Variants in NCKAP5 observed in about 807,000 individuals in gnomAD.
NCKAP5 encodes NCK associated protein 5.
In NCKAP5, 92 loss-of-function variants were observed where a neutral mutation model predicts 167.0. The ratio of observed to expected loss-of-function variants is 0.55; its 90% CI spans 0.47 to 0.66. The LOEUF is 0.66. Ranked by LOEUF, NCKAP5 falls within the 30% of genes least tolerant of loss-of-function variation. NCKAP5 has a pLI of 0.00. For missense variants in NCKAP5, 2,378 were observed against 2,315.0 expected, an observed-to-expected ratio of 1.03 and a Z score of -0.56; for synonymous variants, 891 against 877.4, an observed-to-expected ratio of 1.02 and a Z score of -0.27.
At chr2:133,432,328 GAAAT>G in intron 3 of NCKAP5, among the ~76,000 whole-genome samples, 1 of 152,168 alleles carries the variant, frequency 6.6e-6, no homozygotes, top group Non-Finnish European at 1.5e-5. Flanking sequence ...GAGAAAAGCA[GAAAT>G]GCTGATACCC....
intron 1 of NCKAP5, among the ~76,000 whole-genome samples, chr2:133,567,184 G>A (rs1355340316): frequency 6.6e-6 from 1 of 152,194 alleles, no homozygotes; most frequent in African/African-American, 2.4e-5. Context: ...TAGAGGGCAG[G>A]AATCAGCTGG....
intron 3 of NCKAP5, among the ~76,000 whole-genome samples, chr2:133,349,122 C>T (rs1684177205): frequency 6.6e-6 from 1 of 152,086 alleles, no homozygotes; most frequent in Non-Finnish European, 1.5e-5. Flanking sequence ...TCTCTGCCCA[C>T]AAAAAGAGGA....
chr2:132,792,034 GCT>G (rs1684113180), intron 12 of NCKAP5, among the ~76,000 whole-genome samples: 1 of 141,658 alleles, frequency 7.1e-6, no homozygotes, highest in African/African-American at 2.7e-5. Context: ...AACTTGAGAT[GCT>G]CTGTTTTGTT....
At chr2:133,010,944 A>G (rs2078137791) in intron 6 of NCKAP5, among the ~76,000 whole-genome samples, 1 of 152,220 alleles carries the variant, frequency 6.6e-6, no homozygotes, top group Non-Finnish European at 1.5e-5. Flanking sequence ...TTTTAAAAAA[A>G]TGTCTTTGAT....
At chr2:133,007,235 GT>G (rs1205040473) in intron 6 of NCKAP5, among the ~76,000 whole-genome samples, 1 of 152,202 alleles carries the variant, frequency 6.6e-6, no homozygotes, top group East Asian at 1.9e-4. Flanking sequence ...TCAGAGAGAT[GT>G]TATGAGGATG....
chr2:132,957,100 T>G (rs902592786), intron 8 of NCKAP5, among the ~76,000 whole-genome samples: 1 of 152,154 alleles, frequency 6.6e-6, no homozygotes, highest in African/African-American at 2.4e-5. Flanking sequence ...CTGAACTTTG[T>G]ATTTCCACCT....
chr2:133,360,774 C>A (rs1017998227), intron 3 of NCKAP5, among the ~76,000 whole-genome samples: 6 of 151,744 alleles, frequency 4.0e-5, no homozygotes, highest in Admixed American at 3.9e-4. Flanking sequence ...AATGAATGAT[C>A]ATTTAGGGAG....
intron 11 of NCKAP5, among the ~76,000 whole-genome samples, chr2:132,859,676 C>T (rs1689736360): frequency 6.6e-6 from 1 of 152,240 alleles, no homozygotes; most frequent in Non-Finnish European, 1.5e-5. Context: ...CCGCCCTTTG[C>T]ACATTGCACA....
intron 3 of NCKAP5, among the ~76,000 whole-genome samples, chr2:133,416,416 CT>C (rs753719008): frequency 6.6e-6 from 1 of 152,086 alleles, no homozygotes; most frequent in African/African-American, 2.4e-5. Context: ...TCTGGAACAA[CT>C]TTTTCACATT....
At chr2:133,539,512 C>A (rs568926386) in intron 2 of NCKAP5, among the ~76,000 whole-genome samples, 16 of 151,512 alleles carry the variant, frequency 1.1e-4, no homozygotes, top group African/African-American at 2.7e-4. Context: ...GAAATAAAAA[C>A]CAAAACATAA....
intron 8 of NCKAP5, among the ~76,000 whole-genome samples, chr2:132,949,276 G>A (rs1411068027): frequency 6.6e-6 from 1 of 152,070 alleles, no homozygotes; most frequent in East Asian, 1.9e-4. Flanking sequence ...GACTCTGGAG[G>A]GGCAGTCCCT....
chr2:132,876,109 A>G (rs7597457), intron 9 of NCKAP5, among the ~76,000 whole-genome samples: 52,559 of 151,848 alleles, frequency 0.35, 9,842 homozygotes, highest in East Asian at 0.55. Context: ...ATTTGAGATG[A>G]GGTTTCACTC....
chr2:133,565,014 T>C (rs1390237294), intron 1 of NCKAP5, among the ~76,000 whole-genome samples: 1 of 152,162 alleles, frequency 6.6e-6, no homozygotes, highest in Non-Finnish European at 1.5e-5. Flanking sequence ...CGGAGTTCCA[T>C]GGTGCACAGG....
At chr2:132,859,045 A>G (rs567342232) in intron 11 of NCKAP5, among the ~76,000 whole-genome samples, 220 of 152,328 alleles carry the variant, frequency 1.4e-3, no homozygotes, top group African/African-American at 5.1e-3. Flanking sequence ...AATTTTTTAT[A>G]AATGCAAGAT....
rs1035826784 is a variant in NCKAP5, at chr2:133,169,624, C to T, written c.208-39513G>A. Among the ~76,000 whole-genome samples the T allele has an allele frequency of 6.6e-5, 10 of 152,318 alleles. 1 individual carries two copies. The South Asian group carries it at 1.9e-3, about 28-fold the overall frequency. On this transcript the variant is annotated intron_variant, in intron 5 of 19. Transcript: ENST00000409261. Reference sequence around the variant, plus strand: ...AGGAGAGTTTATCAAGACTGCTGAGCCTGATGCTTTTACGTTAAAGTGGCT... The same window carrying T: ...AGGAGAGTTTATCAAGACTGCTGAGTCTGATGCTTTTACGTTAAAGTGGCT...
intron 5 of NCKAP5, among the ~76,000 whole-genome samples, chr2:133,180,959 GAAATA>G (rs1358436860): frequency 3.3e-5 from 5 of 151,446 alleles, no homozygotes; most frequent in Non-Finnish European, 7.4e-5. Context: ...AAATATATAA[GAAATA>G]AAATAAAAAT....
chr2:133,346,564 G>A (rs1043830079), intron 3 of NCKAP5, among the ~76,000 whole-genome samples: 12 of 152,216 alleles, frequency 7.9e-5, no homozygotes, highest in Non-Finnish European at 1.6e-4. Context: ...GTCCTAGGGT[G>A]ATGGTCTGAA....
At chr2:133,382,709 T>C (rs967906630) in intron 3 of NCKAP5, among the ~76,000 whole-genome samples, 1 of 152,212 alleles carries the variant, frequency 6.6e-6, no homozygotes, top group African/African-American at 2.4e-5. Context: ...TACTCTCTCA[T>C]GAATAAGCAT....
At chr2:133,435,466 C>T (rs941969947) in intron 3 of NCKAP5, among the ~76,000 whole-genome samples, 2 of 152,144 alleles carry the variant, frequency 1.3e-5, no homozygotes, top group Admixed American at 6.5e-5. Flanking sequence ...TCACTGAAAA[C>T]GGAGACAGAC....
Sources: allele counts gnomAD v4.1 joint callset (sites outside exome capture counted in the v4.1 genomes callset), GRCh38; gene constraint gnomAD v4.1.1; transcripts MANE v1.5; gene names NCBI Gene and HGNC (gene_info 2026-07-23, HGNC 2026-07-21).